The following KCNH7 variants were observed in gnomAD, a reference collection of about 807,000 sequenced individuals.
KCNH7 encodes voltage-gated inwardly rectifying potassium channel KCNH7.
KCNH7 carries 49 observed loss-of-function variants against 120.8 expected under a neutral mutation model. The ratio of observed to expected loss-of-function variants is 0.41; its 90% CI spans 0.32 to 0.51. The LOEUF is 0.51. Among genes scored for constraint, KCNH7 ranks in the 20% least tolerant of loss-of-function variants. The pLI is 0.38. For synonymous variants in KCNH7, 547 were observed against 516.1 expected, an observed-to-expected ratio of 1.06 and a Z score of -0.81; for missense variants, 1,097 against 1,446.6, an observed-to-expected ratio of 0.76 and a Z score of 3.92.
intron 2 of KCNH7, among the ~76,000 whole-genome samples, chr2:162,732,674 T>G (rs1213314402): frequency 3.0e-4 from 45 of 152,172 alleles, no homozygotes; most frequent in African/African-American, 9.6e-4. Flanking sequence ...ATAGTAAAAT[T>G]ATAATTGTTA....
intron 6 of KCNH7, among the ~76,000 whole-genome samples, chr2:162,495,764 A>G (rs1690476306): frequency 6.6e-6 from 1 of 152,196 alleles, no homozygotes; most frequent in Non-Finnish European, 1.5e-5. Flanking sequence ...GCTGCAGCTC[A>G]GAAGAAACAA....
At chr2:162,376,868 A>G (rs575286056) in intron 14 of KCNH7, among the ~76,000 whole-genome samples, 1 of 152,324 alleles carries the variant, frequency 6.6e-6, no homozygotes, top group Non-Finnish European at 1.5e-5. Context: ...GGCATAATAT[A>G]TAAATACAGA....
At chr2:162,743,398 T>C (rs185084134) in intron 2 of KCNH7, among the ~76,000 whole-genome samples, 96 of 152,268 alleles carry the variant, frequency 6.3e-4, no homozygotes, top group African/African-American at 2.2e-3. Flanking sequence ...GATGAATGCA[T>C]TTAAGATTAA....
intron 6 of KCNH7, among the ~76,000 whole-genome samples, chr2:162,448,776 C>T (rs1298666009): frequency 2.0e-5 from 3 of 151,980 alleles, no homozygotes; most frequent in African/African-American, 7.2e-5. Flanking sequence ...GACCACTGTG[C>T]TAAGAGCTGG....
chr2:162,670,549 A>G (rs998502000), intron 2 of KCNH7, among the ~76,000 whole-genome samples: 1 of 151,880 alleles, frequency 6.6e-6, no homozygotes, highest in Non-Finnish European at 1.5e-5. Context: ...AAATTACTAG[A>G]AAATAATAGG....
intron 5 of KCNH7, among the ~76,000 whole-genome samples, chr2:162,510,008 T>C (rs1367936648): frequency 2.6e-5 from 4 of 151,448 alleles, no homozygotes; most frequent in African/African-American, 4.8e-5. Flanking sequence ...TAAAGCAAAA[T>C]AGAAAAGCCA....
intron 2 of KCNH7, among the ~76,000 whole-genome samples, chr2:162,772,477 T>A (rs10205495): frequency 0.24 from 36,689 of 152,056 alleles, 4,725 homozygotes; most frequent in African/African-American, 0.33. Flanking sequence ...AGTTAAACAT[T>A]TCTTTTTGCT....
intron 6 of KCNH7, among the ~76,000 whole-genome samples, chr2:162,477,568 C>T (rs950859353): frequency 6.6e-6 from 1 of 152,176 alleles, no homozygotes; most frequent in Non-Finnish European, 1.5e-5. Context: ...AGCAGGTTGT[C>T]ATTTCTGTCT....
chr2:162,722,723 C>T (rs1411393944), intron 2 of KCNH7, among the ~76,000 whole-genome samples: 1 of 150,814 alleles, frequency 6.6e-6, no homozygotes, highest in Non-Finnish European at 1.5e-5. Flanking sequence ...TTCTGGAACT[C>T]ACATAATATG....
At chr2:162,721,638 C>A (rs1266849936) in intron 2 of KCNH7, among the ~76,000 whole-genome samples, 3 of 152,088 alleles carry the variant, frequency 2.0e-5, no homozygotes, top group South Asian at 4.2e-4. Context: ...TTCTTACTGG[C>A]CAAATACAAT....
At chr2:162,791,430 T>C (rs1027592362) in intron 2 of KCNH7, among the ~76,000 whole-genome samples, 2 of 152,170 alleles carry the variant, frequency 1.3e-5, no homozygotes, top group Non-Finnish European at 2.9e-5. Flanking sequence ...AAAATGTTTT[T>C]CTATCTGTTT....
rs189961336 is a variant in KCNH7, at chr2:162,580,679, G to T, written c.308-43599C>A. On this transcript the variant is annotated intron_variant, in intron 2 of 15. Coordinates refer to ENST00000332142, the MANE Select transcript of KCNH7 (RefSeq NM_033272.4). ...GAGCAATTAATTATTTGGGTTAAAA[G>T]AAAGAGGACTGGAGAGAAGAACAGA... 3.3e-5 allele frequency among the ~76,000 whole-genome samples: 5 copies of T among 152,152 alleles called. No individual in the cohort carries two copies. The East Asian group carries it at 9.7e-4, about 30-fold the overall frequency.
intron 2 of KCNH7, among the ~76,000 whole-genome samples, chr2:162,645,726 T>C (rs1684334306): frequency 6.6e-6 from 1 of 152,186 alleles, no homozygotes; most frequent in Non-Finnish European, 1.5e-5. Context: ...TATTTTTCAT[T>C]ATGCATTGAG....
chr2:162,387,570 A>T (rs1686611272), intron 12 of KCNH7, among the ~76,000 whole-genome samples: 1 of 151,674 alleles, frequency 6.6e-6, no homozygotes. Flanking sequence ...TCCTGTTACC[A>T]TCATTTTATA....
chr2:162,784,781 C>G (rs1430983772), intron 2 of KCNH7: 1 of 152,150 alleles, frequency 6.6e-6, no homozygotes, highest in Non-Finnish European at 1.5e-5. Flanking sequence ...GTTAGATTCC[C>G]TTCCTTTCCT....
intron 2 of KCNH7, among the ~76,000 whole-genome samples, chr2:162,801,790 G>C (rs967796668): frequency 6.6e-6 from 1 of 151,678 alleles, no homozygotes; most frequent in Non-Finnish European, 1.5e-5. Flanking sequence ...TCCCCATCTA[G>C]AGTCCTGCCT....
intron 3 of KCNH7, among the ~76,000 whole-genome samples, chr2:162,532,488 G>A (rs2105816823): frequency 6.6e-6 from 1 of 152,052 alleles, no homozygotes; most frequent in South Asian, 2.1e-4. Flanking sequence ...AACAGTTGAT[G>A]TAAGAAAAGA....
At chr2:162,444,863 G>A (rs1229263260) in intron 7 of KCNH7, among the ~76,000 whole-genome samples, 1 of 151,772 alleles carries the variant, frequency 6.6e-6, no homozygotes, top group Non-Finnish European at 1.5e-5. Flanking sequence ...AAGAACAGCT[G>A]ATTTTTAAAA....
At chr2:162,673,026 T>C (rs953012170) in intron 2 of KCNH7, among the ~76,000 whole-genome samples, 12 of 152,124 alleles carry the variant, frequency 7.9e-5, no homozygotes, top group Middle Eastern at 3.4e-3. Flanking sequence ...GAAAAGACGA[T>C]AATAATTAAA....
Sources: gnomAD v4.1 joint callset for allele counts (sites outside exome capture counted in the v4.1 genomes callset) on GRCh38, gnomAD v4.1.1 for gene constraint, MANE v1.5 for transcripts, NCBI Gene and HGNC (gene_info 2026-07-23, HGNC 2026-07-21) for gene names.